The following DOCK3 variants were observed in gnomAD, a reference collection of about 807,000 sequenced individuals.
The protein encoded by DOCK3 is dedicator of cytokinesis protein 3.
Under a neutral mutation model 265.6 loss-of-function variants are expected in DOCK3, and 60 were observed. The observed-to-expected ratio is 0.23, with a 90% confidence interval of 0.18 to 0.28. DOCK3 has a LOEUF of 0.28. Among genes scored for constraint, DOCK3 ranks in the 10% least tolerant of loss-of-function variants. The pLI, the probability that DOCK3 is intolerant of heterozygous loss-of-function variation, is 1.00. For synonymous variants in DOCK3, 881 were observed against 938.0 expected (o/e 0.94, Z 1.11); for missense variants, 1,981 against 2,594.3 (o/e 0.76, Z 5.14).
At chr3:51,342,180 T>C (rs999370366) in intron 38 of DOCK3, among the ~76,000 whole-genome samples, 1 of 152,234 alleles carries the variant, frequency 6.6e-6, no homozygotes, top group Non-Finnish European at 1.5e-5. Context: ...AAAAGAAAGA[T>C]TTAAACATTA....
intron 1 of DOCK3, among the ~76,000 whole-genome samples, chr3:50,734,235 A>G (rs1372412660): frequency 1.3e-5 from 2 of 152,204 alleles, no homozygotes; most frequent in Non-Finnish European, 2.9e-5. Context: ...TAGGCCAGGC[A>G]TAGTGACTCA....
chr3:51,114,316 G>A (rs2083643042), intron 9 of DOCK3, among the ~76,000 whole-genome samples: 1 of 152,158 alleles, frequency 6.6e-6, no homozygotes, highest in African/African-American at 2.4e-5. Context: ...TCAGACGGGA[G>A]AATCAGTAGA....
intron 5 of DOCK3, among the ~76,000 whole-genome samples, chr3:51,028,981 C>CT (rs1177683037): frequency 1.3e-5 from 2 of 152,218 alleles, no homozygotes; most frequent in East Asian, 3.9e-4. Context: ...GAAACACTGG[C>CT]TTTTTTTATT....
At chr3:51,213,976 ATAACT>A in intron 13 of DOCK3, 141 bp from the exon 14 acceptor site, 1 of 1,063,794 alleles carries the variant, frequency 9.4e-7, no homozygotes, top group Non-Finnish European at 1.3e-6. Flanking sequence ...TTTCTTCAAA[ATAACT>A]TATACTGTCT....
chr3:50,694,256 C>A (rs966357251), intron 1 of DOCK3, among the ~76,000 whole-genome samples: 1 of 151,234 alleles, frequency 6.6e-6, no homozygotes, highest in East Asian at 2.0e-4. Context: ...GGGGATAGAG[C>A]GAGACTTTGT....
intron 23 of DOCK3, among the ~76,000 whole-genome samples, chr3:51,269,850 A>G (rs1033938974): frequency 1.3e-5 from 2 of 152,168 alleles, no homozygotes; most frequent in South Asian, 2.1e-4. Context: ...AATTTCCCTC[A>G]TACCAGTATC....
At chr3:51,250,267 A>C (rs1185141827) in intron 22 of DOCK3, among the ~76,000 whole-genome samples, 19 of 23,226 alleles carry the variant, frequency 8.2e-4, no homozygotes, top group South Asian at 3.3e-3. Flanking sequence ...AAGAATGATC[A>C]ATAAAAAAAA....
chr3:50,968,435 T>C (rs1413153341), intron 5 of DOCK3, among the ~76,000 whole-genome samples: 1 of 152,202 alleles, frequency 6.6e-6, no homozygotes. Context: ...GTCACCTGAG[T>C]AGTGTACATT....
intron 5 of DOCK3, among the ~76,000 whole-genome samples, chr3:50,935,810 A>G (rs2051328905): frequency 6.6e-6 from 1 of 152,240 alleles, no homozygotes; most frequent in Non-Finnish European, 1.5e-5. Flanking sequence ...GTTCAACCAC[A>G]GCCCATAAAG....
At chr3:51,170,919 G>A (rs2086645385) in intron 12 of DOCK3, among the ~76,000 whole-genome samples, 1 of 142,386 alleles carries the variant, frequency 7.0e-6, no homozygotes, top group African/African-American at 2.7e-5. Flanking sequence ...CTCCAGCCTG[G>A]CCACAGAGCA....
intron 4 of DOCK3, among the ~76,000 whole-genome samples, chr3:50,933,441 C>T (rs964116597): frequency 3.3e-5 from 5 of 152,162 alleles, no homozygotes; most frequent in Non-Finnish European, 1.5e-5. Flanking sequence ...CAGAATTCCT[C>T]TACCAGACTT....
chr3:51,311,582 T>C (rs1010280666), intron 28 of DOCK3, among the ~76,000 whole-genome samples: 3 of 152,256 alleles, frequency 2.0e-5, no homozygotes, highest in African/African-American at 7.2e-5. Flanking sequence ...AATAAAATTA[T>C]GTTCTAAATC....
chr3:50,812,603 G>T (rs1275313946), intron 2 of DOCK3, among the ~76,000 whole-genome samples: 1 of 152,202 alleles, frequency 6.6e-6, no homozygotes, highest in Non-Finnish European at 1.5e-5. Context: ...CAGTGTTCCA[G>T]CTCAAAGAGA....
intron 19 of DOCK3, among the ~76,000 whole-genome samples, chr3:51,231,441 T>C (rs2090544253): frequency 6.6e-6 from 1 of 152,190 alleles, no homozygotes. Flanking sequence ...TTTGACATTT[T>C]AATAGTCACT....
At chr3:50,904,368 C>G (rs1180906384) in intron 4 of DOCK3, among the ~76,000 whole-genome samples, 2 of 152,222 alleles carry the variant, frequency 1.3e-5, no homozygotes, top group Admixed American at 6.5e-5. Context: ...AACTAGTTTA[C>G]AGTCCCACCA....
In DOCK3 at chr3:51,228,687, C is replaced by T. The variant is rs1036935734; in HGVS notation, c.1674C>T (p.Asn558=). 3.1e-6 allele frequency: 5 copies of T among 1,613,736 alleles called. No homozygotes were observed. The highest frequency in any genetic ancestry group is 3.4e-6 in the Non-Finnish European group (4 of 1,179,848). Residue 558 remains asparagine (N), a synonymous_variant, in exon 18 of 53, where the codon AAC becomes AAT. Coordinates refer to ENST00000266037, the MANE Select transcript of DOCK3 (RefSeq NM_004947.5). ...YKCDENSTFN[N]HALYLGLPCC... ...GTGATGAGAATAGCACGTTTAATAACCATGCTCTGTACCTGGGCCTGCCCT... is the reference window on the plus strand; with the variant it reads ...GTGATGAGAATAGCACGTTTAATAATCATGCTCTGTACCTGGGCCTGCCCT...
chr3:51,277,989 C>G (rs1189145739), intron 26 of DOCK3: 1 of 985,256 alleles, frequency 1.0e-6, no homozygotes, highest in African/African-American at 1.7e-5. Flanking sequence ...GTTTCTTGTC[C>G]TGTTTTCCTG....
chr3:50,950,958 A>ATCTC (rs35552377), intron 5 of DOCK3, among the ~76,000 whole-genome samples: 8 of 149,982 alleles, frequency 5.3e-5, no homozygotes, highest in African/African-American at 1.7e-4. Context: ...AACGGAGGGA[A>ATCTC]TCTCTCTCTC....
chr3:50,952,762 C>T (rs889308554), intron 5 of DOCK3, among the ~76,000 whole-genome samples: 8 of 152,062 alleles, frequency 5.3e-5, no homozygotes, highest in African/African-American at 1.9e-4. Flanking sequence ...GTGCTTGGAT[C>T]CCAACTCCCC....
Sources: allele counts gnomAD v4.1 joint callset (sites outside exome capture counted in the v4.1 genomes callset), GRCh38; gene constraint gnomAD v4.1.1; transcripts MANE v1.5; gene names NCBI Gene and HGNC (gene_info 2026-07-23, HGNC 2026-07-21).